ATR: variants seen among roughly 807,000 people sequenced by gnomAD.
ATR encodes ATR checkpoint kinase, also known as serine/threonine-protein kinase ATR.
A neutral mutation model predicts 305.3 loss-of-function variants in ATR; 142 were observed. That is an observed-to-expected ratio of 0.47 (90% CI 0.41 to 0.53). The LOEUF is 0.53. ATR is among the 20% of genes least tolerant of loss of function. ATR has a pLI of 0.00. For synonymous variants in ATR, 1,050 were observed against 1,068.1 expected (o/e 0.98, Z 0.33); for missense variants, 2,135 against 3,133.1 (o/e 0.68, Z 7.60).
chr3:142,476,269 G>A (rs191838709), intron 36 of ATR, among the ~76,000 whole-genome samples: 108 of 152,202 alleles, frequency 7.1e-4, no homozygotes, highest in Admixed American at 2.1e-3. Flanking sequence ...ATTAATTTTC[G>A]TATAAGGTGT....
At chr3:142,550,008 T>G in intron 14 of ATR, 124 bp downstream of exon 14, 2 of 1,278,546 alleles carry the variant, frequency 1.6e-6, no homozygotes, top group South Asian at 2.6e-5. Context: ...GAACAATGAC[T>G]CAAATCCACT....
intron 3 of ATR, among the ~76,000 whole-genome samples, chr3:142,565,410 AG>A (rs1343400711): frequency 6.6e-6 from 1 of 152,222 alleles, no homozygotes. Flanking sequence ...ACACCAATGA[AG>A]GGACAAAAGT....
chr3:142,480,674 T>G (rs1019131932), intron 36 of ATR, among the ~76,000 whole-genome samples: 1 of 152,228 alleles, frequency 6.6e-6, no homozygotes, highest in African/African-American at 2.4e-5. Context: ...AGCTATGCCC[T>G]GCCCCCAGAG....
At chr3:142,560,818 CCA>C (rs1193680227) in intron 5 of ATR, among the ~76,000 whole-genome samples, 4 of 152,178 alleles carry the variant, frequency 2.6e-5, no homozygotes, top group Non-Finnish European at 4.4e-5. Context: ...CCTCGGCCTC[CCA>C]AAGTGCTGGG....
chr3:142,530,866 C>T lies in ATR; in HGVS notation c.3945+4214G>A, dbSNP rs140615957. Among the ~76,000 whole-genome samples the T allele has an allele frequency of 3.8e-3, 583 of 152,286 alleles. 11 individuals are homozygous for T. The highest frequency in any genetic ancestry group is 0.014 in the African/African-American group (569 of 41,566). On this transcript the variant is annotated intron_variant, in intron 21 of 46. Coordinates refer to ENST00000350721, the MANE Select transcript of ATR (RefSeq NM_001184.4). ...TCCCTGTAGCCAGTAGTCTGACATA[C>T]CACATCCTGGACTTATTTTCAGTAA...
chr3:142,450,803 T>A, intron 46 of ATR: 1 of 1,410,016 alleles, frequency 7.1e-7, no homozygotes, highest in Non-Finnish European at 9.3e-7. Flanking sequence ...CATGTTCAAG[T>A]GGTCCAACCA....
In ATR at chr3:142,553,433, A is replaced by AACACACAC. The variant is rs56873611; in HGVS notation, c.2634-43_2634-36dup. On this transcript the variant is annotated intron_variant, in intron 12 of 46. Transcript: ENST00000350721. ...AAAACAACATACATATGAATACACAAACACACACACACACACACACACACA... is the reference window on the plus strand; with the variant it reads ...AAAACAACATACATATGAATACACAAACACACACACACACACACACACACACACACACA... 1.1e-4 allele frequency: 148 copies of AACACACAC among 1,404,612 alleles called. No individual in the cohort carries two copies. The East Asian group carries it at 2.6e-3, about 24-fold the overall frequency. 87.0% of individuals were successfully genotyped at this position (1,404,612 alleles called of 1,614,324 possible). A position where few individuals can be genotyped will look rare whatever the true frequency, so the allele number is the denominator to read the frequency against.
At chr3:142,453,297 A>G (rs896268459) in intron 45 of ATR, 64 bp from the exon 46 acceptor site, 2 of 1,537,938 alleles carry the variant, frequency 1.3e-6, no homozygotes, top group African/African-American at 2.7e-5. Flanking sequence ...TGCTGACATC[A>G]ATATTTAAGT....
chr3:142,491,315 G>A (rs770106637), intron 35 of ATR, among the ~76,000 whole-genome samples: 50 of 152,270 alleles, frequency 3.3e-4, no homozygotes, highest in Non-Finnish European at 5.4e-4. Context: ...TCTACATCAT[G>A]TATAGGCAAC....
intron 19 of ATR, 116 bp downstream of exon 19, chr3:142,538,366 T>C (rs1559975052): frequency 1.7e-6 from 2 of 1,155,202 alleles, no homozygotes; most frequent in South Asian, 1.5e-5. Flanking sequence ...CTTTTGTTTA[T>C]TGATAAACCC....
At chr3:142,555,079 T>C (rs1331203753) in intron 10 of ATR, among the ~76,000 whole-genome samples, 1 of 145,306 alleles carries the variant, frequency 6.9e-6, no homozygotes, top group African/African-American at 2.5e-5. Flanking sequence ...CTACTAAAAA[T>C]GCAAAAATTT....
chr3:142,536,065 C>A (rs2108427267), intron 20 of ATR, 43 bp downstream of exon 20: 2 of 1,323,218 alleles, frequency 1.5e-6, no homozygotes, highest in East Asian at 4.6e-5. Context: ...GGGAACAATT[C>A]TGTATTAATG....
At chr3:142,507,837 T>C (rs1360581658) in intron 28 of ATR, 94 bp downstream of exon 28, 22 of 1,179,120 alleles carry the variant, frequency 1.9e-5, no homozygotes, top group Non-Finnish European at 2.4e-5. Context: ...CTTCTAAGCA[T>C]AGCATATAAA....
At chr3:142,562,132 A>G in intron 4 of ATR, 100 bp downstream of exon 4, 3 of 1,249,334 alleles carry the variant, frequency 2.4e-6, no homozygotes, top group South Asian at 1.4e-5. Context: ...AATTACTATT[A>G]AAGATATTCT....
chr3:142,504,252 G>T (rs1387306359), intron 29 of ATR, among the ~76,000 whole-genome samples: 1 of 152,132 alleles, frequency 6.6e-6, no homozygotes, highest in Non-Finnish European at 1.5e-5. Context: ...ACGTGCAGGT[G>T]GGTGAGTAGG....
chr3:142,494,014 A>G (rs1357172502), intron 34 of ATR, among the ~76,000 whole-genome samples: 5 of 152,088 alleles, frequency 3.3e-5, no homozygotes, highest in African/African-American at 2.4e-5. Flanking sequence ...AGCCTGGGCA[A>G]CAGAGCAAGA....
In ATR at chr3:142,562,469, T is replaced by G. The variant is rs1005834442; in HGVS notation, c.933A>C (p.Arg311Ser). Residue 311 changes from arginine (R) to serine (S), a missense_variant, in exon 4 of 47, where the codon AGA becomes AGC. Physicochemically the swap from Arg to Ser is moderately radical, Grantham distance 110. This residue lies in a region of ATR where 744 missense variants were observed against 873.2 expected (regional missense o/e 0.85). Coordinates refer to ENST00000350721, the MANE Select transcript of ATR (RefSeq NM_001184.4). Reference sequence around the variant, plus strand: ...TATTTAAATAGACAGGTTCAATATTTCTATAAGCTTCTGCTTCAAAGGGAA... The same window carrying G: ...TATTTAAATAGACAGGTTCAATATTGCTATAAGCTTCTGCTTCAAAGGGAA... The part of the protein sequence containing the change: ...TLFPFEAEAY[R>S]NIEPVYLNML... 11 of 1,614,172 alleles carry G rather than the reference T, an allele frequency of 6.8e-6. No individual in the cohort carries two copies. The highest frequency in any genetic ancestry group is 1.7e-5 in the Admixed American group (1 of 60,028).
At chr3:142,466,206 AATT>A in intron 40 of ATR, 115 bp downstream of exon 40, 1 of 1,189,840 alleles carries the variant, frequency 8.4e-7, no homozygotes, top group South Asian at 1.4e-5. Context: ...CTGTATTTCC[AATT>A]ATTTTTCTTC....
At chr3:142,539,825 A>C (rs2033984758) in intron 18 of ATR, among the ~76,000 whole-genome samples, 1 of 152,196 alleles carries the variant, frequency 6.6e-6, no homozygotes, top group African/African-American at 2.4e-5. Flanking sequence ...AGGAATAATA[A>C]AATTAGAAAA....
Sources: gnomAD v4.1 joint callset for allele counts (sites outside exome capture counted in the v4.1 genomes callset) on GRCh38, gnomAD v4.1.1 for gene constraint, gnomAD v4.1.1 regional missense constraint, MANE v1.5 for transcripts, NCBI Gene and HGNC (gene_info 2026-07-23, HGNC 2026-07-21) for gene names.